AOPEP: variants seen among roughly 807,000 people sequenced by gnomAD.
AOPEP encodes the protein aminopeptidase O.
In AOPEP, 77 loss-of-function variants were observed where a neutral mutation model predicts 98.1. The observed-to-expected ratio is 0.78, with a 90% CI of 0.65 to 0.95. The LOEUF (loss-of-function observed/expected upper bound fraction) is 0.95, where lower values mean the gene tolerates loss of function less well. Ranked by LOEUF, AOPEP falls within the 40% of genes least tolerant of loss-of-function variation. AOPEP has a pLI of 0.00. For synonymous variants in AOPEP, 346 were observed against 365.3 expected (o/e 0.95, Z 0.60); for missense variants, 1,024 against 1,024.7 (o/e 1.00, Z 0.01).
At chr9:94,788,279 G>T (rs905916079) in intron 3 of AOPEP, among the ~76,000 whole-genome samples, 1 of 151,912 alleles carries the variant, frequency 6.6e-6, no homozygotes, top group African/African-American at 2.4e-5. Context: ...GGATCCCCCT[G>T]TGTTGCCCAG....
intron 1 of AOPEP, among the ~76,000 whole-genome samples, chr9:94,746,567 A>C (rs1473381728): frequency 1.3e-5 from 2 of 152,230 alleles, no homozygotes; most frequent in African/African-American, 2.4e-5. Flanking sequence ...GAAACATGCT[A>C]TACTTTGCAA....
At chr9:95,046,096 A>G (rs1353793505) in intron 13 of AOPEP, among the ~76,000 whole-genome samples, 5 of 152,172 alleles carry the variant, frequency 3.3e-5, no homozygotes, top group Non-Finnish European at 7.4e-5. Flanking sequence ...CACTGATTCA[A>G]CTTCCGAAAA....
intron 5 of AOPEP, among the ~76,000 whole-genome samples, chr9:94,858,115 C>G (rs1415152306): frequency 1.3e-5 from 2 of 151,370 alleles, no homozygotes; most frequent in Non-Finnish European, 2.9e-5. Flanking sequence ...ACATTTAGAA[C>G]CCTGGTTAAT....
intron 7 of AOPEP, among the ~76,000 whole-genome samples, chr9:94,949,130 A>G (rs1366996433): frequency 6.6e-6 from 1 of 152,208 alleles, no homozygotes; most frequent in Non-Finnish European, 1.5e-5. Flanking sequence ...ATGGGACAAT[A>G]TAGCACTCAG....
chr9:94,801,050 C>T (rs370801233), intron 5 of AOPEP, 48 bp downstream of exon 5: 4 of 1,603,150 alleles, frequency 2.5e-6, no homozygotes, highest in South Asian at 2.2e-5. Context: ...TTTGGAAATT[C>T]TTTGACTATG....
intron 5 of AOPEP, among the ~76,000 whole-genome samples, chr9:94,854,880 GTTC>G (rs2043985531): frequency 6.6e-6 from 1 of 152,114 alleles, no homozygotes. Context: ...GAGTTAGGAT[GTTC>G]TAACTTAGAA....
At chr9:95,024,960 ATATT>A (rs79476850) in intron 13 of AOPEP, among the ~76,000 whole-genome samples, 17,692 of 152,018 alleles carry the variant, frequency 0.12, 1,335 homozygotes, top group East Asian at 0.18. Flanking sequence ...TATTAGCTTC[ATATT>A]TATTTATTTG....
At chr9:94,750,024 G>C (rs761308554) in intron 1 of AOPEP, among the ~76,000 whole-genome samples, 4 of 152,158 alleles carry the variant, frequency 2.6e-5, no homozygotes, top group Non-Finnish European at 5.9e-5. Flanking sequence ...CAGTTAACTT[G>C]GCTGAACTCA....
chr9:95,121,122 G>A, the AOPEP span, among the ~76,000 whole-genome samples: 1 of 152,124 alleles, frequency 6.6e-6, no homozygotes, highest in South Asian at 2.1e-4. Flanking sequence ...ACTTTGCCTG[G>A]AGTTTATCAT....
chr9:95,145,651 C>G, the AOPEP span: 205 of 152,194 alleles, frequency 1.3e-3, 2 homozygotes, highest in Non-Finnish European at 7.2e-4. Context: ...ACAGTTGATG[C>G]CAGCACTAAA....
chr9:94,865,153 TA>T (rs1432953676), intron 5 of AOPEP, among the ~76,000 whole-genome samples: 1 of 152,194 alleles, frequency 6.6e-6, no homozygotes, highest in Non-Finnish European at 1.5e-5. Context: ...TATCTTTAAA[TA>T]AGAAATCCTA....
At chr9:95,071,673 T>A (rs2068525748) in intron 14 of AOPEP, among the ~76,000 whole-genome samples, 2 of 152,080 alleles carry the variant, frequency 1.3e-5, no homozygotes, top group Admixed American at 1.3e-4. Context: ...CCAAGTTGGG[T>A]ATACTGGCTG....
In AOPEP at chr9:94,994,926, G is replaced by A. The variant is rs984302289; in HGVS notation, c.1978-10232G>A. ...AGATCATGCCACTGCACTCTATCCC[G>A]GGCAACAGAGTGAAACTCCATCTCA... On this transcript the variant is annotated intron_variant, in intron 11 of 16. Transcript: ENST00000375315. 8.5e-5 allele frequency among the ~76,000 whole-genome samples: 13 copies of A among 152,190 alleles called. No homozygotes were observed. The East Asian group carries it at 9.7e-4, about 11-fold the overall frequency.
At chr9:95,001,771 G>A (rs140510138) in intron 11 of AOPEP, among the ~76,000 whole-genome samples, 248 of 151,990 alleles carry the variant, frequency 1.6e-3, no homozygotes, top group African/African-American at 5.6e-3. Context: ...AAAATTTATC[G>A]TTATTTACTT....
intron 13 of AOPEP, among the ~76,000 whole-genome samples, chr9:95,028,431 CCA>C (rs1412164200): frequency 6.6e-6 from 1 of 152,166 alleles, no homozygotes; most frequent in African/African-American, 2.4e-5. Flanking sequence ...ACGTCACTAC[CCA>C]CACAGCCTTC....
At chr9:94,741,529 C>T (rs1833121770) in intron 1 of AOPEP, among the ~76,000 whole-genome samples, 1 of 152,048 alleles carries the variant, frequency 6.6e-6, no homozygotes, top group African/African-American at 2.4e-5. Flanking sequence ...TCTCGGCCTC[C>T]CAAAGTGTTG....
At chr9:95,108,829 C>T in the AOPEP span, among the ~76,000 whole-genome samples, 2 of 152,004 alleles carry the variant, frequency 1.3e-5, no homozygotes, top group Non-Finnish European at 2.9e-5. Context: ...CACATAATGC[C>T]TTGTATCTTT....
At chr9:94,848,083 T>C (rs1050469072) in intron 5 of AOPEP, among the ~76,000 whole-genome samples, 1 of 152,174 alleles carries the variant, frequency 6.6e-6, no homozygotes, top group Non-Finnish European at 1.5e-5. Flanking sequence ...CTGCAGTTAC[T>C]TATTAGATTC....
the AOPEP span, among the ~76,000 whole-genome samples, chr9:95,095,469 A>G: frequency 6.6e-6 from 1 of 152,204 alleles, no homozygotes; most frequent in African/African-American, 2.4e-5. Flanking sequence ...GATGTGTAGA[A>G]GAGCTTTAGA....
Sources: allele counts gnomAD v4.1 joint callset (sites outside exome capture counted in the v4.1 genomes callset), GRCh38; gene constraint gnomAD v4.1.1; transcripts MANE v1.5; gene names NCBI Gene and HGNC (gene_info 2026-07-23, HGNC 2026-07-21).